Variants in CHRM2 observed in about 807,000 individuals in gnomAD.
CHRM2 encodes muscarinic acetylcholine receptor M2.
A neutral mutation model predicts 25.0 loss-of-function variants in CHRM2; 8 were observed. The observed-to-expected ratio is 0.32, with a 90% confidence interval of 0.19 to 0.58. The LOEUF (loss-of-function observed/expected upper bound fraction) is 0.58, where lower values mean the gene tolerates loss of function less well. CHRM2 is among the 20% of genes least tolerant of loss of function. The pLI is 0.88. For synonymous variants in CHRM2, 202 were observed against 205.7 expected (o/e 0.98, Z 0.15); for missense variants, 440 against 567.1 (o/e 0.78, Z 2.28).
intron 2 of CHRM2, among the ~76,000 whole-genome samples, chr7:136,964,187 A>T (rs1314201265): frequency 1.3e-5 from 2 of 152,178 alleles, no homozygotes; most frequent in Non-Finnish European, 2.9e-5. Context: ...ATTTTCAAAA[A>T]AAATTATTAT....
intron 2 of CHRM2, among the ~76,000 whole-genome samples, chr7:136,877,195 T>C (rs1307714227): frequency 6.6e-6 from 1 of 152,080 alleles, no homozygotes; most frequent in Non-Finnish European, 1.5e-5. Flanking sequence ...AGAGCTTTGC[T>C]GTAGCCGGAG....
rs538506057 is a variant in CHRM2 at position 136,966,724 on chromosome 7, T to TA, written c.-124-25462dup. Among the ~76,000 whole-genome samples the TA allele has an allele frequency of 1.1e-4, 17 of 151,942 alleles. 1 individual carries two copies. The South Asian group carries it at 3.5e-3, about 32-fold the overall frequency. On this transcript the variant is annotated intron_variant, in intron 2 of 3. Transcript: ENST00000680005. ...TAAGTATAACTTGCCTTTTTTTTTTTACATAGTACTATATATATCCCAGGA... is the reference window on the plus strand; with the variant it reads ...TAAGTATAACTTGCCTTTTTTTTTTTAACATAGTACTATATATATCCCAGGA...
chr7:136,958,531 C>T (rs890653176), intron 2 of CHRM2, among the ~76,000 whole-genome samples: 1 of 147,672 alleles, frequency 6.8e-6, no homozygotes, highest in Non-Finnish European at 1.5e-5. Context: ...TTACAGCTCA[C>T]TGCCACCTCT....
At chr7:137,014,035 T>C (rs1805004651) in intron 3 of CHRM2, among the ~76,000 whole-genome samples, 1 of 152,042 alleles carries the variant, frequency 6.6e-6, no homozygotes, top group Non-Finnish European at 1.5e-5. Context: ...TAATTTTGTC[T>C]TCTTATTGAT....
At chr7:136,955,893 C>T (rs1800694258) in intron 2 of CHRM2, among the ~76,000 whole-genome samples, 1 of 152,156 alleles carries the variant, frequency 6.6e-6, no homozygotes, top group African/African-American at 2.4e-5. Context: ...TCACCATATG[C>T]TCATTAACTA....
intron 2 of CHRM2, among the ~76,000 whole-genome samples, chr7:136,934,656 C>G (rs548485642): frequency 2.0e-5 from 3 of 151,816 alleles, no homozygotes; most frequent in African/African-American, 4.8e-5. Context: ...TCCCAAAGCC[C>G]CCAAAAAAGA....
intron 2 of CHRM2, among the ~76,000 whole-genome samples, chr7:136,949,443 C>T (rs947430966): frequency 1.5e-5 from 2 of 133,236 alleles, no homozygotes; most frequent in Non-Finnish European, 1.5e-5. Context: ...ATAACAAGAC[C>T]CTGTCTCTGC....
chr7:136,966,713 C>CTTT lies in CHRM2; in HGVS notation c.-124-25465_-124-25463dup, dbSNP rs5887819. On this transcript the variant is annotated intron_variant, in intron 2 of 3. Transcript: ENST00000680005. ...CAGTGAGTCTATAAGTATAACTTGC[C>CTTT]TTTTTTTTTTTACATAGTACTATAT... Among the ~76,000 whole-genome samples the CTTT allele has an allele frequency of 2.7e-5, 4 of 145,882 alleles. 1 individual carries two copies. In the Admixed American group the frequency reaches 2.7e-4, roughly 10 times the overall value.
Position 136,976,559 on chromosome 7 carries a change from A to G in CHRM2, c.-124-15628A>G, listed in dbSNP as rs1044386195. 2.0e-5 allele frequency among the ~76,000 whole-genome samples: 3 copies of G among 152,296 alleles called. No homozygotes were observed. In the East Asian group the frequency reaches 5.8e-4, roughly 29 times the overall value. The stretch of plus-strand genomic sequence containing the variant: ...GAAAGAGCAGGCTTCTGAACTGGGC[A>G]CAGCCTAGGTTCTTAAGTTCTGCAT... On this transcript the variant is annotated intron_variant, in intron 2 of 3. Coordinates refer to ENST00000680005, the MANE Select transcript of CHRM2 (RefSeq NM_001006630.2).
chr7:136,944,512 T>C (rs939367528), intron 2 of CHRM2, among the ~76,000 whole-genome samples: 5 of 152,100 alleles, frequency 3.3e-5, no homozygotes, highest in Admixed American at 3.3e-4. Context: ...TATGTGTACA[T>C]ATATACGTGT....
chr7:136,916,198 A>G (rs1453611662), intron 2 of CHRM2, among the ~76,000 whole-genome samples: 1 of 151,860 alleles, frequency 6.6e-6, no homozygotes, highest in Non-Finnish European at 1.5e-5. Context: ...ATATAAGTGT[A>G]TCAATTAAAC....
Position 137,016,342 on chromosome 7 carries a change from T to A in CHRM2, c.*76T>A. On this transcript the variant is annotated 3_prime_UTR_variant, in exon 4 of 4. Transcript: ENST00000680005. ...AAAGGGATAAACGAGCTCCTAGTTTTAAAATCTCTGCCATTGCACTTTATA... is the reference window on the plus strand; with the variant it reads ...AAAGGGATAAACGAGCTCCTAGTTTAAAAATCTCTGCCATTGCACTTTATA... 1 of 1,417,704 alleles carries A rather than the reference T, an allele frequency of 7.1e-7. No individual in the cohort carries two copies. The highest frequency in any genetic ancestry group is 9.9e-7 in the Non-Finnish European group (1 of 1,007,538). The allele number at this position is 1,417,704 out of a possible 1,614,324, so 87.8% of individuals were successfully genotyped here.
At chr7:136,970,744 T>A (rs559902811) in intron 2 of CHRM2, among the ~76,000 whole-genome samples, 76 of 152,176 alleles carry the variant, frequency 5.0e-4, no homozygotes. Context: ...AACTTACATG[T>A]CAATACCTTA....
chr7:136,980,289 G>T lies in CHRM2; in HGVS notation c.-124-11898G>T, dbSNP rs187271403. Among the ~76,000 whole-genome samples the T allele has an allele frequency of 6.9e-3, 1,048 of 152,286 alleles. 8 individuals carry two copies. Among genetic ancestry groups the T allele is most frequent in the South Asian group, 0.011 (53 of 4,826 alleles). On this transcript the variant is annotated intron_variant, in intron 2 of 3. Transcript: ENST00000680005. ...AGGAATCTTGTGATTTTTGCACATTGATTTTGTATCCTGAGACTTTGCTGA... is the reference window on the plus strand; with the variant it reads ...AGGAATCTTGTGATTTTTGCACATTTATTTTGTATCCTGAGACTTTGCTGA...
chr7:136,889,825 C>G (rs999447482), intron 2 of CHRM2, among the ~76,000 whole-genome samples: 3 of 152,006 alleles, frequency 2.0e-5, no homozygotes, highest in African/African-American at 4.8e-5. Context: ...GTTTTTTTCT[C>G]TATGTTGAGT....
chr7:136,972,235 A>G (rs1024181533), intron 2 of CHRM2, among the ~76,000 whole-genome samples: 1 of 152,038 alleles, frequency 6.6e-6, no homozygotes, highest in Admixed American at 6.5e-5. Flanking sequence ...TCTTTATATG[A>G]GAGTAAAATC....
At chr7:136,900,815 T>G (rs1259250768) in intron 2 of CHRM2, among the ~76,000 whole-genome samples, 4 of 151,912 alleles carry the variant, frequency 2.6e-5, no homozygotes, top group African/African-American at 9.7e-5. Flanking sequence ...GTGGCCTTCC[T>G]AGGTTTCTGA....
chr7:136,940,870 G>A (rs1799731550), intron 2 of CHRM2, among the ~76,000 whole-genome samples: 1 of 152,120 alleles, frequency 6.6e-6, no homozygotes, highest in African/African-American at 2.4e-5. Flanking sequence ...TACCTATTAA[G>A]TAATGCTTAT....
intron 2 of CHRM2, among the ~76,000 whole-genome samples, chr7:136,957,849 TATA>T (rs1306575224): frequency 6.6e-6 from 1 of 152,250 alleles, no homozygotes; most frequent in Non-Finnish European, 1.5e-5. Context: ...AAGCCACATC[TATA>T]ATTAGTCAAA....
Sources: gnomAD v4.1 joint callset for allele counts (sites outside exome capture counted in the v4.1 genomes callset) on GRCh38, gnomAD v4.1.1 for gene constraint, MANE v1.5 for transcripts, NCBI Gene and HGNC (gene_info 2026-07-23, HGNC 2026-07-21) for gene names.